The following KIRREL1 variants were observed in gnomAD, a reference collection of about 807,000 sequenced individuals.
KIRREL1 encodes kin of IRRE-like protein 1.
Under a neutral mutation model 83.3 loss-of-function variants are expected in KIRREL1, and 25 were observed. The observed-to-expected ratio is 0.30, with a 90% CI of 0.22 to 0.42. The LOEUF (loss-of-function observed/expected upper bound fraction) is 0.42. Among genes scored for constraint, KIRREL1 ranks in the 10% least tolerant of loss-of-function variants. KIRREL1 has a pLI of 1.00. For synonymous variants in KIRREL1, 388 were observed against 410.4 expected, an observed-to-expected ratio of 0.95 and a Z score of 0.66; for missense variants, 812 against 1,032.3, an observed-to-expected ratio of 0.79 and a Z score of 2.92.
In KIRREL1 at chr1:157,993,731, A is replaced by T; in HGVS notation, c.52+3A>T. 6.7e-7 allele frequency: 1 copy of T among 1,489,800 alleles called. No individual in the cohort carries two copies. Among genetic ancestry groups the T allele is most frequent in the Non-Finnish European group, 9.0e-7 (1 of 1,117,188 alleles). 92.3% of individuals were successfully genotyped at this position (1,489,800 alleles called of 1,614,324 possible). A position where few individuals can be genotyped will look rare whatever the true frequency, so the allele number is the denominator to read the frequency against. On this transcript the variant is annotated splice_donor_region_variant and intron_variant, in intron 1 of 14. Coordinates refer to ENST00000359209, the MANE Select transcript of KIRREL1 (RefSeq NM_018240.7). ...TCTCTCCGATACTTTCTCCCAAGGT[A>T]AGGGCCCCCAGCCCACCCCCGGACG... is the stretch of plus-strand genomic sequence containing the variant.
intron 1 of KIRREL1, among the ~76,000 whole-genome samples, chr1:158,023,203 G>A (rs1346611889): frequency 6.6e-6 from 1 of 152,180 alleles, no homozygotes; most frequent in Admixed American, 6.5e-5. Context: ...GGGAGTGGCA[G>A]GAGAGAGCTG....
intron 1 of KIRREL1, among the ~76,000 whole-genome samples, chr1:158,007,272 C>T (rs1260656822): frequency 6.6e-6 from 1 of 152,118 alleles, no homozygotes; most frequent in Non-Finnish European, 1.5e-5. Flanking sequence ...TAGAAAGAGA[C>T]ACTGGAGCTG....
intron 1 of KIRREL1, among the ~76,000 whole-genome samples, chr1:158,012,387 A>C (rs935501756): frequency 2.0e-5 from 3 of 151,940 alleles, no homozygotes; most frequent in Non-Finnish European, 4.4e-5. Context: ...TGTGCAAGTC[A>C]CTTCACCTCT....
chr1:158,002,367 A>G (rs1026047036), intron 1 of KIRREL1, among the ~76,000 whole-genome samples: 2 of 152,190 alleles, frequency 1.3e-5, no homozygotes, highest in African/African-American at 4.8e-5. Flanking sequence ...TAGTCCCTTC[A>G]GGGTCAATTC....
chr1:157,997,227 A>G (rs1265996155), intron 1 of KIRREL1, among the ~76,000 whole-genome samples: 2 of 152,160 alleles, frequency 1.3e-5, no homozygotes, highest in East Asian at 1.9e-4. Flanking sequence ...GTAAGCTTGA[A>G]CAAGTCATGT....
intron 3 of KIRREL1, among the ~76,000 whole-genome samples, chr1:158,080,430 T>C (rs781151802): frequency 2.6e-5 from 4 of 152,162 alleles, no homozygotes; most frequent in Admixed American, 2.6e-4. Flanking sequence ...GAAGAGTGCC[T>C]TGTTTAAAAG....
Position 158,022,282 on chromosome 1 carries a change from G to A in KIRREL1, c.52+28554G>A, listed in dbSNP as rs1660021548. On this transcript the variant is annotated intron_variant, in intron 1 of 14. Coordinates refer to ENST00000359209, the MANE Select transcript of KIRREL1 (RefSeq NM_018240.7). The stretch of plus-strand genomic sequence containing the variant: ...AGAGCATTATAAGTATCCCAAAAAA[G>A]AGAATCTCAGAATTATTTCTATTTG... Among the ~76,000 whole-genome samples the A allele has an allele frequency of 2.0e-5, 3 of 152,148 alleles. 1 individual carries two copies. The South Asian group carries it at 6.2e-4, about 32-fold the overall frequency.
intron 1 of KIRREL1, among the ~76,000 whole-genome samples, chr1:158,041,523 A>G (rs918281289): frequency 6.6e-6 from 1 of 152,182 alleles, no homozygotes; most frequent in Non-Finnish European, 1.5e-5. Flanking sequence ...GTGTCTAAGG[A>G]GAAAGGAAAA....
intron 1 of KIRREL1, among the ~76,000 whole-genome samples, chr1:158,062,911 G>A (rs962655908): frequency 1.3e-5 from 2 of 152,228 alleles, no homozygotes; most frequent in Admixed American, 6.5e-5. Flanking sequence ...GAAGTTTCTG[G>A]AGTGCAGAGC....
At chr1:158,034,269 CAA>C (rs750353894) in intron 1 of KIRREL1, among the ~76,000 whole-genome samples, 2 of 113,690 alleles carry the variant, frequency 1.8e-5, no homozygotes, top group Non-Finnish European at 3.4e-5. Flanking sequence ...GACTCCGTCT[CAA>C]AAAAAAAAAA....
intron 1 of KIRREL1, among the ~76,000 whole-genome samples, chr1:158,043,380 G>A (rs1660693425): frequency 6.6e-6 from 1 of 151,872 alleles, no homozygotes; most frequent in South Asian, 2.1e-4. Context: ...TTCCTGCTCA[G>A]ATGTGCTCAG....
At chr1:158,060,917 G>A (rs1661200192) in intron 1 of KIRREL1, among the ~76,000 whole-genome samples, 1 of 152,080 alleles carries the variant, frequency 6.6e-6, no homozygotes, top group Non-Finnish European at 1.5e-5. Context: ...TTTCAAGAGT[G>A]GTTTGGGAAG....
chr1:158,004,985 G>T (rs1456192703), intron 1 of KIRREL1, among the ~76,000 whole-genome samples: 1 of 152,120 alleles, frequency 6.6e-6, no homozygotes, highest in Non-Finnish European at 1.5e-5. Flanking sequence ...TTCTTTCCAG[G>T]TTTCAACCCA....
chr1:158,051,509 T>G (rs369726128), intron 1 of KIRREL1, among the ~76,000 whole-genome samples: 1 of 152,224 alleles, frequency 6.6e-6, no homozygotes, highest in South Asian at 2.1e-4. Context: ...GTAACCAGCA[T>G]GTAGCCGCAT....
chr1:158,051,660 T>C (rs1660913514), intron 1 of KIRREL1, among the ~76,000 whole-genome samples: 1 of 152,162 alleles, frequency 6.6e-6, no homozygotes, highest in Non-Finnish European at 1.5e-5. Flanking sequence ...TTGCTTACTC[T>C]TTTCCTGGGA....
chr1:158,022,575 G>T (rs2101655014), intron 1 of KIRREL1, among the ~76,000 whole-genome samples: 2 of 152,246 alleles, frequency 1.3e-5, no homozygotes, highest in East Asian at 3.9e-4. Flanking sequence ...TGCCAAAGGG[G>T]CACCACTGGG....
At chr1:158,069,302 TTG>T (rs57076623) in intron 1 of KIRREL1, among the ~76,000 whole-genome samples, 16,821 of 143,128 alleles carry the variant, frequency 0.12, 930 homozygotes, top group East Asian at 0.19. Flanking sequence ...TATGACGTAC[TTG>T]TGTGTGTGTG....
chr1:158,036,841 G>T (rs1441686489), intron 1 of KIRREL1, among the ~76,000 whole-genome samples: 1 of 152,158 alleles, frequency 6.6e-6, no homozygotes, highest in Non-Finnish European at 1.5e-5. Context: ...GTCTGGAGAA[G>T]AAAGACTGGG....
At chr1:158,038,485 C>CTTTTTTTTTTTTTTTTTTTTTTTTTTT (rs11340189) in intron 1 of KIRREL1, among the ~76,000 whole-genome samples, 3 of 68,082 alleles carry the variant, frequency 4.4e-5, no homozygotes, top group Non-Finnish European at 9.2e-5. Context: ...GGCTCTTCCT[C>CTTTTTTTTTTTTTTTTTTTTTTTTTTT]TTTTTTTTTT....
Sources: gnomAD v4.1 joint callset for allele counts (sites outside exome capture counted in the v4.1 genomes callset) on GRCh38, gnomAD v4.1.1 for gene constraint, MANE v1.5 for transcripts, NCBI Gene and HGNC (gene_info 2026-07-23, HGNC 2026-07-21) for gene names.